PRKG1: variants seen among roughly 807,000 people sequenced by gnomAD.
PRKG1 encodes cGMP-dependent protein kinase 1.
PRKG1 carries 35 observed loss-of-function variants against 88.1 expected under a neutral mutation model. The observed-to-expected ratio is 0.40, with a 90% CI of 0.30 to 0.53. PRKG1 has a LOEUF of 0.53. Among genes scored for constraint, PRKG1 ranks in the 20% least tolerant of loss-of-function variants. The pLI is 0.59. For missense variants in PRKG1, 540 were observed against 839.8 expected (o/e 0.64, Z 4.41); for synonymous variants, 303 against 292.5 (o/e 1.04, Z -0.37).
intron 3 of PRKG1, among the ~76,000 whole-genome samples, chr10:51,484,217 A>G (rs1179198454): frequency 3.3e-5 from 5 of 152,236 alleles, no homozygotes; most frequent in East Asian, 1.9e-4. Context: ...ATGCCCTTTC[A>G]TAGGGGATAG....
intron 3 of PRKG1, among the ~76,000 whole-genome samples, chr10:51,611,050 C>T (rs1271571351): frequency 6.8e-6 from 1 of 148,044 alleles, no homozygotes; most frequent in Admixed American, 6.7e-5. Context: ...CTGGAACTTA[C>T]AGTTAAAAAA....
chr10:51,502,706 T>C (rs915445593), intron 3 of PRKG1, among the ~76,000 whole-genome samples: 1 of 152,188 alleles, frequency 6.6e-6, no homozygotes, highest in Non-Finnish European at 1.5e-5. Flanking sequence ...AATGAAATCA[T>C]GCATATTATA....
intron 2 of PRKG1, among the ~76,000 whole-genome samples, chr10:51,444,909 G>A (rs781770902): frequency 4.6e-5 from 7 of 151,810 alleles, no homozygotes; most frequent in Non-Finnish European, 1.0e-4. Context: ...CTGAGCGGGC[G>A]GAATCTTGGG....
At chr10:52,015,110 TG>T (rs1845004444) in intron 5 of PRKG1, among the ~76,000 whole-genome samples, 1 of 152,204 alleles carries the variant, frequency 6.6e-6, no homozygotes, top group South Asian at 2.1e-4. Flanking sequence ...GGACTCTGTG[TG>T]GGGGCTCCAG....
intron 9 of PRKG1, among the ~76,000 whole-genome samples, chr10:52,185,583 C>T (rs922599185): frequency 2.0e-5 from 3 of 152,170 alleles, no homozygotes; most frequent in Non-Finnish European, 4.4e-5. Context: ...GGTGGGGACT[C>T]TTTGCAGGGG....
At chr10:51,402,668 G>A (rs1462196688) in intron 2 of PRKG1, among the ~76,000 whole-genome samples, 1 of 152,180 alleles carries the variant, frequency 6.6e-6, no homozygotes, top group Non-Finnish European at 1.5e-5. Context: ...CTGAGCTCCT[G>A]TAACCTATTC....
chr10:51,877,409 G>A (rs550208512), intron 4 of PRKG1, among the ~76,000 whole-genome samples: 44 of 152,122 alleles, frequency 2.9e-4, no homozygotes, highest in African/African-American at 1.0e-3. Flanking sequence ...AGTGCATGAT[G>A]GTATCTAAAG....
chr10:51,539,303 C>G (rs1218526793), intron 3 of PRKG1, among the ~76,000 whole-genome samples: 1 of 151,962 alleles, frequency 6.6e-6, no homozygotes, highest in Non-Finnish European at 1.5e-5. Context: ...TAACTGGATC[C>G]ATACATGAAA....
chr10:52,239,722 T>C (rs184136864), intron 9 of PRKG1, among the ~76,000 whole-genome samples: 1 of 152,090 alleles, frequency 6.6e-6, no homozygotes, highest in Non-Finnish European at 1.5e-5. Flanking sequence ...CAGCATTCAT[T>C]TGAACTGGCA....
At chr10:51,245,829 G>C (rs192593844) in intron 2 of PRKG1, 1 of 152,010 alleles carries the variant, frequency 6.6e-6, no homozygotes, top group African/African-American at 2.4e-5. Flanking sequence ...TTTTAGTAAG[G>C]CTTCATAATA....
rs1382214676 is a variant in PRKG1, at chr10:51,412,199, GAGAGAGAGAGAGAGAAAGAA to G, written c.479-55516_479-55497del. On this transcript the variant is annotated intron_variant, in intron 2 of 17. Coordinates refer to ENST00000373980, the MANE Select transcript of PRKG1 (RefSeq NM_006258.4). ...AGAGAGTGAGAGAGAGAGAGAGAGAGAGAGAGAGAGAGAGAAAGAAAGAGAGAAAGAATTGTTCAGAAAAT... is the reference window on the plus strand; with the variant it reads ...AGAGAGTGAGAGAGAGAGAGAGAGAGAGAGAGAAAGAATTGTTCAGAAAAT... Among the ~76,000 whole-genome samples the G allele has an allele frequency of 6.3e-3, 705 of 111,992 alleles. 5 individuals are homozygous for G. Among genetic ancestry groups the G allele is most frequent in the Middle Eastern group, 0.025 (6 of 236 alleles). 73.5% of individuals were successfully genotyped at this position (111,992 alleles called of 152,430 possible).
At chr10:51,477,591 G>A (rs966287527) in intron 3 of PRKG1, among the ~76,000 whole-genome samples, 2 of 151,896 alleles carry the variant, frequency 1.3e-5, no homozygotes, top group Non-Finnish European at 2.9e-5. Context: ...CTGTGGCAAG[G>A]ATTAAAGAAG....
chr10:52,260,187 G>A (rs1209991474), intron 10 of PRKG1, among the ~76,000 whole-genome samples: 2 of 151,904 alleles, frequency 1.3e-5, no homozygotes, highest in African/African-American at 2.4e-5. Flanking sequence ...AATAGCTTTA[G>A]GGGGTACAAA....
At chr10:51,301,695 C>T (rs1238063222) in intron 2 of PRKG1, among the ~76,000 whole-genome samples, 1 of 152,216 alleles carries the variant, frequency 6.6e-6, no homozygotes, top group East Asian at 1.9e-4. Context: ...CCCAGTCAGT[C>T]TGTGGGCATG....
chr10:51,510,782 C>T (rs1330703089), intron 3 of PRKG1, among the ~76,000 whole-genome samples: 37 of 143,248 alleles, frequency 2.6e-4, no homozygotes, highest in Admixed American at 1.0e-3. Flanking sequence ...CTTGCTGTGT[C>T]GCCCAAGCTG....
At chr10:51,092,734 GTC>G (rs1299177361) in intron 1 of PRKG1, among the ~76,000 whole-genome samples, 3 of 151,952 alleles carry the variant, frequency 2.0e-5, no homozygotes, top group Admixed American at 2.0e-4. Context: ...ATAAAGAATA[GTC>G]TTACTTTGAG....
intron 3 of PRKG1, among the ~76,000 whole-genome samples, chr10:51,700,087 G>T (rs1176613073): frequency 6.6e-6 from 1 of 152,286 alleles, no homozygotes; most frequent in Non-Finnish European, 1.5e-5. Flanking sequence ...GAAAAGCGTA[G>T]TCGTTTCAGC....
intron 2 of PRKG1, among the ~76,000 whole-genome samples, chr10:51,428,483 A>C (rs2132720802): frequency 6.6e-6 from 1 of 152,332 alleles, no homozygotes; most frequent in South Asian, 2.1e-4. Flanking sequence ...CCCAAAAATA[A>C]ATTTCAAAAA....
At chr10:51,836,577 AGT>A (rs1564668017) in intron 4 of PRKG1, among the ~76,000 whole-genome samples, 1 of 151,998 alleles carries the variant, frequency 6.6e-6, no homozygotes, top group African/African-American at 2.4e-5. Flanking sequence ...GTTTATATTG[AGT>A]GTATTTTTGC....
Sources: allele counts gnomAD v4.1 joint callset (sites outside exome capture counted in the v4.1 genomes callset), GRCh38; gene constraint gnomAD v4.1.1; transcripts MANE v1.5; gene names NCBI Gene and HGNC (gene_info 2026-07-23, HGNC 2026-07-21).